Variants in RPH3A observed in about 807,000 individuals in gnomAD.
RPH3A encodes the protein rabphilin 3A.
In RPH3A, 48 loss-of-function variants were observed where a neutral mutation model predicts 102.2. The ratio of observed to expected loss-of-function variants is 0.47; its 90% CI spans 0.37 to 0.60. The LOEUF (loss-of-function observed/expected upper bound fraction) is 0.60, where lower values mean the gene tolerates loss of function less well. RPH3A is among the 20% of genes least tolerant of loss of function. RPH3A has a pLI of 0.00. For synonymous variants in RPH3A, 310 were observed against 324.3 expected (o/e 0.96, Z 0.47); for missense variants, 781 against 910.1 (o/e 0.86, Z 1.83).
intron 17 of RPH3A, 92 bp downstream of exon 17, chr12:112,888,015 G>A (rs770082733): frequency 2.2e-4 from 314 of 1,442,938 alleles, no homozygotes; most frequent in Admixed American, 3.6e-4. Flanking sequence ...ATAGATCCAC[G>A]GGGTATTGGG....
chr12:112,823,740 G>A (rs1039491415), intron 2 of RPH3A, among the ~76,000 whole-genome samples: 4 of 152,106 alleles, frequency 2.6e-5, no homozygotes, highest in East Asian at 3.9e-4. Context: ...CTATTATGAC[G>A]ATGGTTTCTC....
intron 2 of RPH3A, among the ~76,000 whole-genome samples, chr12:112,827,063 C>G (rs145483203): frequency 6.8e-4 from 104 of 152,146 alleles, no homozygotes; most frequent in African/African-American, 2.4e-3. Flanking sequence ...TTTTTTTCAG[C>G]TTTATTGAGA....
At chr12:112,587,510 T>C (rs2039447280) in intron 1 of RPH3A, among the ~76,000 whole-genome samples, 1 of 152,212 alleles carries the variant, frequency 6.6e-6, no homozygotes, top group Admixed American at 6.5e-5. Context: ...GAAGTGGCAA[T>C]GGTAGTAACC....
intron 1 of RPH3A, among the ~76,000 whole-genome samples, chr12:112,577,330 C>T (rs1024498458): frequency 1.3e-5 from 2 of 152,168 alleles, no homozygotes; most frequent in South Asian, 4.1e-4. Context: ...ACTGAGGGTT[C>T]CTCCCCTTTT....
At chr12:112,749,927 C>T (rs1178343530) in intron 1 of RPH3A, among the ~76,000 whole-genome samples, 1 of 152,062 alleles carries the variant, frequency 6.6e-6, no homozygotes, top group Non-Finnish European at 1.5e-5. Context: ...ACCAAGGAGT[C>T]CAGATGTCTG....
At chr12:112,868,670 A>C (rs1470063243) in intron 8 of RPH3A, 75 bp downstream of exon 8, 1 of 1,491,044 alleles carries the variant, frequency 6.7e-7, no homozygotes, top group African/African-American at 1.4e-5. Flanking sequence ...GGATGGCCTG[A>C]CATCATGTCT....
intron 1 of RPH3A, among the ~76,000 whole-genome samples, chr12:112,786,696 T>C (rs2041054351): frequency 1.3e-5 from 2 of 152,194 alleles, no homozygotes; most frequent in Non-Finnish European, 2.9e-5. Flanking sequence ...ATTGAAGCAC[T>C]GGGTTCTTTG....
upstream of RPH3A, among the ~76,000 whole-genome samples, chr12:112,787,072 T>C (rs1033669243): frequency 2.6e-5 from 4 of 152,122 alleles, no homozygotes; most frequent in African/African-American, 9.7e-5. Context: ...TCTCCCCCTA[T>C]ACTTCCATCC....
intron 1 of RPH3A, among the ~76,000 whole-genome samples, chr12:112,759,143 G>A (rs1305695426): frequency 6.6e-6 from 1 of 152,172 alleles, no homozygotes; most frequent in African/African-American, 2.4e-5. Flanking sequence ...TTGAAAGCAT[G>A]CAACAGTGAG....
At position 112,791,868 on chromosome 12, in the gene RPH3A, G is replaced by GAGAGAGAGAGAGAGAGAGAGAA. The variant is rs2041115136; in HGVS notation, c.-263_-262insAAGAGAGAGAGAGAGAGAGAGA. 2.8e-5 allele frequency: 3 copies of GAGAGAGAGAGAGAGAGAGAGAA among 106,014 alleles called. 1 individual carries two copies. The highest frequency in any genetic ancestry group is 1.2e-4 in the African/African-American group (3 of 25,800). The allele number at this position is 106,014 out of a possible 1,614,324, so 6.6% of individuals were successfully genotyped here. Reference sequence around the variant, plus strand: ...GCGGACTGGAAAGGAAGGGAGAAGGGAGAGAGAGAGAGAGAGAGAGAGAGA... The same window carrying GAGAGAGAGAGAGAGAGAGAGAA: ...GCGGACTGGAAAGGAAGGGAGAAGGGAGAGAGAGAGAGAGAGAGAGAAAGAGAGAGAGAGAGAGAGAGAGAGA... On this transcript the variant is annotated 5_prime_UTR_variant, in exon 1 of 22. Coordinates refer to ENST00000389385, the MANE Select transcript of RPH3A (RefSeq NM_001143854.2).
rs1422589663 is a variant in RPH3A, at chr12:112,678,328, A to AGAAGGAAG, written c.-140+103029_-140+103036dup. On this transcript the variant is annotated intron_variant, in intron 1 of 21. Transcript: ENST00000543106. ...AAGAGAGAGAGAGAGAAAGAAAGAA[A>AGAAGGAAG]GAAGGAAGGAAGGAAGGAAGGAAGG... Among the ~76,000 whole-genome samples the AGAAGGAAG allele has an allele frequency of 6.0e-5, 3 of 49,742 alleles. 1 individual carries two copies. The highest frequency in any genetic ancestry group is 1.8e-4 in the African/African-American group (3 of 16,520). The allele number at this position is 49,742 out of a possible 152,430, so 32.6% of individuals were successfully genotyped here.
chr12:112,757,554 G>A (rs1045211915), intron 1 of RPH3A, among the ~76,000 whole-genome samples: 2 of 152,104 alleles, frequency 1.3e-5, no homozygotes, highest in Non-Finnish European at 2.9e-5. Flanking sequence ...TTGTATACAT[G>A]TATTGAGATA....
chr12:112,886,215 C>A (rs1339692240), intron 16 of RPH3A, among the ~76,000 whole-genome samples: 3 of 152,092 alleles, frequency 2.0e-5, no homozygotes, highest in African/African-American at 7.2e-5. Context: ...GACAATAAGC[C>A]CTTTCCTCTC....
At chr12:112,743,693 C>G (rs1023871146) in intron 1 of RPH3A, among the ~76,000 whole-genome samples, 3 of 151,756 alleles carry the variant, frequency 2.0e-5, no homozygotes, top group Admixed American at 2.0e-4. Flanking sequence ...TTTTTTCCCC[C>G]CAAGGGCAAT....
intron 1 of RPH3A, among the ~76,000 whole-genome samples, chr12:112,594,236 T>C (rs1030987528): frequency 2.6e-5 from 4 of 152,162 alleles, no homozygotes; most frequent in Admixed American, 2.0e-4. Flanking sequence ...CACAATTATT[T>C]CATTCACAAA....
upstream of RPH3A, among the ~76,000 whole-genome samples, chr12:112,789,309 C>T (rs992969704): frequency 5.3e-5 from 8 of 152,172 alleles, no homozygotes; most frequent in African/African-American, 9.7e-5. Context: ...AGTCAATTCT[C>T]GTCTCTGGTC....
chr12:112,604,890 C>T (rs2039584132), intron 1 of RPH3A, among the ~76,000 whole-genome samples: 1 of 152,176 alleles, frequency 6.6e-6, no homozygotes, highest in Non-Finnish European at 1.5e-5. Flanking sequence ...GCTGGCCACC[C>T]CCAGAGTGAG....
chr12:112,744,612 C>T (rs1011119476), intron 1 of RPH3A, among the ~76,000 whole-genome samples: 14 of 152,096 alleles, frequency 9.2e-5, no homozygotes, highest in Admixed American at 2.6e-4. Context: ...TATTCTCAGG[C>T]CTTGCAGGGG....
At chr12:112,891,395 G>A (rs2043091988) in intron 19 of RPH3A, among the ~76,000 whole-genome samples, 1 of 151,860 alleles carries the variant, frequency 6.6e-6, no homozygotes, top group South Asian at 2.1e-4. Flanking sequence ...GAAATGCTCA[G>A]AAAAAAAACA....
Sources: allele counts gnomAD v4.1 joint callset (sites outside exome capture counted in the v4.1 genomes callset), GRCh38; gene constraint gnomAD v4.1.1; transcripts MANE v1.5; gene names NCBI Gene and HGNC (gene_info 2026-07-23, HGNC 2026-07-21).